Variants in ARHGAP19 observed in about 807,000 individuals in gnomAD.
ARHGAP19 encodes the protein Rho GTPase activating protein 19, also known as rho GTPase-activating protein 19.
In ARHGAP19, 48 loss-of-function variants were observed where a neutral mutation model predicts 60.9. That is an observed-to-expected ratio of 0.79 (90% CI 0.62 to 1.00). The LOEUF (loss-of-function observed/expected upper bound fraction) is 1.00, where lower values mean the gene tolerates loss of function less well. ARHGAP19 is among the 50% of genes least tolerant of loss of function. The pLI, the probability that ARHGAP19 is intolerant of heterozygous loss-of-function variation, is 0.00. For missense variants in ARHGAP19, 562 were observed against 597.2 expected (o/e 0.94, Z 0.61); for synonymous variants, 209 against 215.5 (o/e 0.97, Z 0.27).
rs546185261 is a variant in ARHGAP19 at position 97,252,622 on chromosome 10, C to CA, written c.927+3695dup. On this transcript the variant is annotated intron_variant, in intron 6 of 11. Coordinates refer to ENST00000358531, the MANE Select transcript of ARHGAP19 (RefSeq NM_032900.6). Reference sequence around the variant, plus strand: ...CTGGTGACAGAGTGAGACTCCATCTCAAAAAAATAAATAAATAAAAATAAA... The same window carrying CA: ...CTGGTGACAGAGTGAGACTCCATCTCAAAAAAAATAAATAAATAAAAATAAA... Among the ~76,000 whole-genome samples the CA allele has an allele frequency of 1.8e-4, 27 of 151,342 alleles. 1 individual carries two copies. The East Asian group carries it at 5.0e-3, about 28-fold the overall frequency.
chr10:97,249,891 C>T (rs938730855), intron 6 of ARHGAP19, among the ~76,000 whole-genome samples: 18 of 151,232 alleles, frequency 1.2e-4, no homozygotes, highest in African/African-American at 3.2e-4. Flanking sequence ...CTCCACCTCC[C>T]GGGTTCACGC....
chr10:97,286,333 T>C (rs1414312512), intron 1 of ARHGAP19, among the ~76,000 whole-genome samples: 1 of 152,262 alleles, frequency 6.6e-6, no homozygotes, highest in Non-Finnish European at 1.5e-5. Context: ...GGCTCACACC[T>C]GTAATCCCAA....
chr10:97,248,976 C>T (rs527976110), intron 6 of ARHGAP19, among the ~76,000 whole-genome samples: 15 of 152,116 alleles, frequency 9.9e-5, no homozygotes, highest in Admixed American at 9.2e-4. Flanking sequence ...GCCATCACGC[C>T]CGGCTAATTT....
intron 8 of ARHGAP19, among the ~76,000 whole-genome samples, chr10:97,238,909 C>T (rs1269307979): frequency 1.3e-5 from 2 of 152,182 alleles, no homozygotes; most frequent in Non-Finnish European, 2.9e-5. Flanking sequence ...CTGCCCTATA[C>T]AGGTGTACTA....
At chr10:97,228,493 ATT>A (rs1293948738) in intron 11 of ARHGAP19, among the ~76,000 whole-genome samples, 59 of 152,356 alleles carry the variant, frequency 3.9e-4, no homozygotes, top group African/African-American at 1.3e-3. Flanking sequence ...GAAAACTTGA[ATT>A]CATAGAGAAT....
intron 1 of ARHGAP19, among the ~76,000 whole-genome samples, chr10:97,274,646 G>A (rs760876035): frequency 6.6e-6 from 1 of 152,134 alleles, no homozygotes; most frequent in East Asian, 1.9e-4. Context: ...GACGTTTCAT[G>A]ACAAATTTTT....
At chr10:97,229,047 G>A in intron 11 of ARHGAP19, 100 bp downstream of exon 11, 1 of 1,184,936 alleles carries the variant, frequency 8.4e-7, no homozygotes, top group Non-Finnish European at 1.3e-6. Context: ...TGTCACTTCT[G>A]ACTACAAATG....
intron 3 of ARHGAP19, among the ~76,000 whole-genome samples, chr10:97,264,565 G>A (rs2134887892): frequency 6.6e-6 from 1 of 152,196 alleles, no homozygotes; most frequent in Non-Finnish European, 1.5e-5. Context: ...TATTTTTCCA[G>A]AAGTGTCTCT....
At chr10:97,230,293 G>C (rs1339422432) in intron 9 of ARHGAP19, among the ~76,000 whole-genome samples, 1 of 152,114 alleles carries the variant, frequency 6.6e-6, no homozygotes, top group Non-Finnish European at 1.5e-5. Context: ...TTACCACTGA[G>C]GGATACTTAG....
intron 1 of ARHGAP19, 129 bp downstream of exon 1, chr10:97,292,443 G>T: frequency 1.6e-6 from 2 of 1,243,154 alleles, no homozygotes; most frequent in Non-Finnish European, 2.3e-6. Context: ...CCGCAGGCGC[G>T]ACGATGAGAA....
chr10:97,223,157 A>G lies in ARHGAP19; in HGVS notation c.*2965T>C, dbSNP rs1416603158. The G allele has an allele frequency of 6.6e-6, 1 of 152,272 alleles. No homozygotes were observed. Among genetic ancestry groups the G allele is most frequent in the East Asian group, 1.9e-4 (1 of 5,176 alleles). 9.4% of individuals were successfully genotyped at this position (152,272 alleles called of 1,614,324 possible). A position where few individuals can be genotyped will look rare whatever the true frequency, so the allele number is the denominator to read the frequency against. ...CAGCCCTCCACTAGCCCATTTCCCA[A>G]GGGTGTTCCCTTGTCCTTCCTGAAT... is the stretch of plus-strand genomic sequence containing the variant. On this transcript the variant is annotated 3_prime_UTR_variant, in exon 12 of 12. Coordinates refer to ENST00000358531, the MANE Select transcript of ARHGAP19 (RefSeq NM_032900.6).
chr10:97,239,600 G>A (rs1842444921), intron 8 of ARHGAP19, among the ~76,000 whole-genome samples: 2 of 127,564 alleles, frequency 1.6e-5, no homozygotes, highest in Admixed American at 7.9e-5. Context: ...GTGTGTGTGT[G>A]TGTCTAAATG....
At chr10:97,287,758 A>T (rs1589384013) in intron 1 of ARHGAP19, among the ~76,000 whole-genome samples, 2 of 152,014 alleles carry the variant, frequency 1.3e-5, no homozygotes, top group Non-Finnish European at 2.9e-5. Context: ...AAATCATAAT[A>T]AGTTTTTTAA....
At chr10:97,280,246 A>T (rs1843066285) in intron 1 of ARHGAP19, among the ~76,000 whole-genome samples, 1 of 151,996 alleles carries the variant, frequency 6.6e-6, no homozygotes, top group Non-Finnish European at 1.5e-5. Flanking sequence ...ATCTCTACTA[A>T]AAATACAAAA....
chr10:97,290,759 C>T (rs988172900), intron 1 of ARHGAP19, among the ~76,000 whole-genome samples: 7 of 152,060 alleles, frequency 4.6e-5, no homozygotes, highest in Non-Finnish European at 1.0e-4. Flanking sequence ...TAAGATCCAC[C>T]GCGGACCCCT....
At chr10:97,245,674 A>C (rs558168082) in intron 7 of ARHGAP19, among the ~76,000 whole-genome samples, 1 of 152,006 alleles carries the variant, frequency 6.6e-6, no homozygotes, top group Admixed American at 6.6e-5. Flanking sequence ...CTATCTATCT[A>C]AGCTCATGTG....
In ARHGAP19 at chr10:97,229,100, G is replaced by C. The variant is rs756829731; in HGVS notation, c.1474+47C>G. ...AAACAAATGCTACTGACTAGATGCAGAAAGGAATTACATTTAGTAAGAACA... is the reference window on the plus strand; with the variant it reads ...AAACAAATGCTACTGACTAGATGCACAAAGGAATTACATTTAGTAAGAACA... On this transcript the variant is annotated intron_variant, in intron 11 of 11. Transcript: ENST00000358531. 3 of 1,511,618 alleles carry C rather than the reference G, an allele frequency of 2.0e-6. No homozygotes were observed. In the Admixed American group the frequency reaches 5.0e-5, roughly 25 times the overall value. 93.6% of individuals were successfully genotyped at this position (1,511,618 alleles called of 1,614,324 possible).
intron 6 of ARHGAP19, among the ~76,000 whole-genome samples, chr10:97,251,178 A>ATG (rs1842642575): frequency 1.3e-5 from 1 of 77,394 alleles, no homozygotes; most frequent in Non-Finnish European, 2.6e-5. Flanking sequence ...AGGGGAAGGG[A>ATG]AAGGGAAAGG....
intron 1 of ARHGAP19, among the ~76,000 whole-genome samples, chr10:97,285,834 T>C (rs1843147932): frequency 6.6e-6 from 1 of 152,138 alleles, no homozygotes; most frequent in African/African-American, 2.4e-5. Flanking sequence ...CCAAATGTAA[T>C]GTTTACAGCA....
Sources: allele counts gnomAD v4.1 joint callset (sites outside exome capture counted in the v4.1 genomes callset), GRCh38; gene constraint gnomAD v4.1.1; transcripts MANE v1.5; gene names NCBI Gene and HGNC (gene_info 2026-07-23, HGNC 2026-07-21).